STUM: variants seen among roughly 807,000 people sequenced by gnomAD.
The protein encoded by STUM is stum, mechanosensory transduction mediator homolog, also known as protein stum homolog.
Under a neutral mutation model 15.3 loss-of-function variants are expected in STUM, and 8 were observed. The observed-to-expected ratio is 0.52, with a 90% CI of 0.31 to 0.94. The LOEUF is 0.94. STUM is among the 40% of genes least tolerant of loss of function. The pLI is 0.05. For missense variants in STUM, 142 were observed against 204.9 expected, an observed-to-expected ratio of 0.69 and a Z score of 1.87; for synonymous variants, 78 against 88.7, an observed-to-expected ratio of 0.88 and a Z score of 0.68.
intron 1 of STUM, among the ~76,000 whole-genome samples, chr1:226,587,128 TG>T (rs1434511527): frequency 1.3e-5 from 2 of 152,138 alleles, no homozygotes. Flanking sequence ...GTGCCCAGGC[TG>T]GGAGCACATC....
chr1:226,597,471 C>G (rs138927745), intron 2 of STUM: 2 of 472,392 alleles, frequency 4.2e-6, no homozygotes, highest in East Asian at 1.4e-4. Flanking sequence ...AGGCACTTTG[C>G]CTTCACTCTG....
At chr1:226,553,736 T>C (rs2102684691) in intron 1 of STUM, among the ~76,000 whole-genome samples, 1 of 152,344 alleles carries the variant, frequency 6.6e-6, no homozygotes, top group East Asian at 1.9e-4. Context: ...GTGCATGATA[T>C]GGACTGTTTG....
At chr1:226,591,472 C>G (rs1668084116) in intron 1 of STUM, among the ~76,000 whole-genome samples, 1 of 152,206 alleles carries the variant, frequency 6.6e-6, no homozygotes, top group Non-Finnish European at 1.5e-5. Context: ...GTGGGCCAGC[C>G]CAGCTTTTCC....
intron 2 of STUM, among the ~76,000 whole-genome samples, chr1:226,598,471 T>C (rs888310856): frequency 1.3e-5 from 2 of 152,188 alleles, no homozygotes; most frequent in African/African-American, 4.8e-5. Flanking sequence ...ATAATGTATG[T>C]TGATGCCTCA....
chr1:226,573,962 G>A (rs1395623956), intron 1 of STUM, among the ~76,000 whole-genome samples: 1 of 151,962 alleles, frequency 6.6e-6, no homozygotes, highest in Non-Finnish European at 1.5e-5. Flanking sequence ...AGCCTCCCGA[G>A]TAGCTGGGAT....
intron 2 of STUM, 131 bp downstream of exon 2, chr1:226,597,112 G>C: frequency 1.1e-6 from 1 of 889,404 alleles, no homozygotes; most frequent in Admixed American, 2.0e-5. Context: ...GGGCTTGCCC[G>C]TGTCCTCTTC....
intron 1 of STUM, among the ~76,000 whole-genome samples, chr1:226,580,355 G>A (rs148103839): frequency 4.0e-4 from 61 of 152,256 alleles, no homozygotes; most frequent in Non-Finnish European, 6.2e-4. Flanking sequence ...GTGGTCTGGA[G>A]CTCAGAGGCA....
At chr1:226,568,855 C>A (rs1413824143) in intron 1 of STUM, among the ~76,000 whole-genome samples, 2 of 152,244 alleles carry the variant, frequency 1.3e-5, no homozygotes, top group Admixed American at 1.3e-4. Flanking sequence ...TGAGGGTGGC[C>A]TCTCTTATTC....
At chr1:226,563,446 G>A (rs1472420804) in intron 1 of STUM, among the ~76,000 whole-genome samples, 2 of 152,270 alleles carry the variant, frequency 1.3e-5, no homozygotes, top group African/African-American at 2.4e-5. Flanking sequence ...CCATTTGGGA[G>A]TATGAGGTGT....
In STUM at chr1:226,552,437, A is replaced by C. The variant is rs1388847134; in HGVS notation, c.202+3331A>C. On this transcript the variant is annotated intron_variant, in intron 1 of 3. Coordinates refer to ENST00000366788, the MANE Select transcript of STUM (RefSeq NM_001003665.4). The surrounding 1 kb of genome is among the most constrained non-coding windows in gnomAD (Gnocchi z 4.7). ...GGTGTTTATAAGTATATACACGATT[A>C]TTCATACCTGTAATGAAAGTTCATT... 6.6e-6 allele frequency among the ~76,000 whole-genome samples: 1 copy of C among 152,236 alleles called. No individual in the cohort carries two copies. The highest frequency in any genetic ancestry group is 2.4e-5 in the African/African-American group (1 of 41,458).
At chr1:226,586,519 T>C (rs1668000649) in intron 1 of STUM, among the ~76,000 whole-genome samples, 1 of 152,178 alleles carries the variant, frequency 6.6e-6, no homozygotes, top group Non-Finnish European at 1.5e-5. Context: ...TGTGGATTAG[T>C]GGCACCATTA....
intron 1 of STUM, among the ~76,000 whole-genome samples, chr1:226,578,551 A>G (rs1263883814): frequency 1.4e-5 from 2 of 147,380 alleles, no homozygotes; most frequent in African/African-American, 2.5e-5. Context: ...TTACTTGTAG[A>G]GACAAGGTCT....
At chr1:226,594,780 G>A (rs1160550394) in intron 1 of STUM, among the ~76,000 whole-genome samples, 1 of 152,174 alleles carries the variant, frequency 6.6e-6, no homozygotes, top group African/African-American at 2.4e-5. Context: ...TCAGCCTCCT[G>A]AGAAGCTGGG....
intron 1 of STUM, among the ~76,000 whole-genome samples, chr1:226,584,008 G>GA (rs956797573): frequency 3.4e-4 from 51 of 147,900 alleles, no homozygotes; most frequent in Non-Finnish European, 4.9e-4. Context: ...TTAGTGGTGC[G>GA]AAAAAAAAAA....
chr1:226,601,466 G>A (rs968767087), intron 3 of STUM, among the ~76,000 whole-genome samples: 1 of 152,132 alleles, frequency 6.6e-6, no homozygotes, highest in Non-Finnish European at 1.5e-5. Flanking sequence ...TATCCACAGA[G>A]CTCACTTTTT....
rs572463754 is a variant in STUM at position 226,604,040 on chromosome 1, G to A, written c.*2000G>A. ...GATAAAATAGCTTCAGCTGCAGGAAGCCGCCCCCTCCCATGCCCACCAGCC... is the reference window on the plus strand; with the variant it reads ...GATAAAATAGCTTCAGCTGCAGGAAACCGCCCCCTCCCATGCCCACCAGCC... On this transcript the variant is annotated 3_prime_UTR_variant, in exon 4 of 4. Coordinates refer to ENST00000366788, the MANE Select transcript of STUM (RefSeq NM_001003665.4). This position sits in a 1 kb window ranked among gnomAD's most constrained non-coding sequence, Gnocchi z 4.7. 6.6e-6 allele frequency: 1 copy of A among 152,470 alleles called. No individual in the cohort carries two copies. Among genetic ancestry groups the A allele is most frequent in the Non-Finnish European group, 1.5e-5 (1 of 68,222 alleles). 9.4% of individuals were successfully genotyped at this position (152,470 alleles called of 1,614,324 possible).
chr1:226,568,245 T>C (rs1361808730), intron 1 of STUM, among the ~76,000 whole-genome samples: 1 of 152,170 alleles, frequency 6.6e-6, no homozygotes, highest in African/African-American at 2.4e-5. Flanking sequence ...AAGAAAGAGT[T>C]TGTGCTTCTA....
intron 3 of STUM, 73 bp from the exon 4 acceptor site, chr1:226,601,933 C>A: frequency 7.4e-7 from 1 of 1,347,528 alleles, no homozygotes; most frequent in Non-Finnish European, 1.1e-6. Flanking sequence ...GCATTCTGGG[C>A]TAGGGGCACC....
At chr1:226,582,281 G>A (rs139723618) in intron 1 of STUM, among the ~76,000 whole-genome samples, 87 of 152,282 alleles carry the variant, frequency 5.7e-4, no homozygotes, top group Middle Eastern at 3.4e-3. Flanking sequence ...AAATCCATTT[G>A]GCTCTTTGCT....
Sources: allele counts gnomAD v4.1 joint callset (sites outside exome capture counted in the v4.1 genomes callset), GRCh38; gene constraint gnomAD v4.1.1; non-coding constraint Gnocchi (gnomAD v3.1); transcripts MANE v1.5; gene names NCBI Gene and HGNC (gene_info 2026-07-23, HGNC 2026-07-21).